The following SIPA1L3 variants were observed in gnomAD, a reference collection of about 807,000 sequenced individuals.
SIPA1L3 encodes signal induced proliferation associated 1 like 3.
SIPA1L3 carries 59 observed loss-of-function variants against 150.1 expected under a neutral mutation model. The observed-to-expected ratio is 0.39, with a 90% CI of 0.32 to 0.49. SIPA1L3 has a LOEUF of 0.49. Among genes scored for constraint, SIPA1L3 ranks in the 20% least tolerant of loss-of-function variants. SIPA1L3 has a pLI of 0.86. For synonymous variants in SIPA1L3, 1,070 were observed against 1,077.6 expected (o/e 0.99, Z 0.14); for missense variants, 2,211 against 2,489.5 (o/e 0.89, Z 2.38).
chr19:38,098,941 GTGTCT>G (rs905160106), intron 4 of SIPA1L3, among the ~76,000 whole-genome samples: 2 of 152,284 alleles, frequency 1.3e-5, no homozygotes, highest in East Asian at 1.9e-4. Flanking sequence ...ATCACTGGTG[GTGTCT>G]TGTCTTGTCT....
chr19:38,133,725 C>G (rs1400980168), intron 10 of SIPA1L3, among the ~76,000 whole-genome samples: 1 of 152,190 alleles, frequency 6.6e-6, no homozygotes, highest in Non-Finnish European at 1.5e-5. Flanking sequence ...ACCTTTGACC[C>G]TAGGGAAGTG....
chr19:37,943,395 T>C (rs2046680348), intron 1 of SIPA1L3, among the ~76,000 whole-genome samples: 1 of 152,194 alleles, frequency 6.6e-6, no homozygotes. Flanking sequence ...TAATTCATGG[T>C]ATTGACACAG....
At chr19:37,947,090 A>G (rs2046718508) in intron 1 of SIPA1L3, among the ~76,000 whole-genome samples, 1 of 152,134 alleles carries the variant, frequency 6.6e-6, no homozygotes, top group Non-Finnish European at 1.5e-5. Context: ...GCTACTGGCA[A>G]GACTGAGGTG....
chr19:38,112,015 GCA>G (rs1046344476), intron 8 of SIPA1L3, among the ~76,000 whole-genome samples: 10 of 136,712 alleles, frequency 7.3e-5, no homozygotes, highest in African/African-American at 2.3e-4. Flanking sequence ...GCACACACAT[GCA>G]CACACACGTA....
At chr19:37,912,008 C>T (rs1021319359) in intron 1 of SIPA1L3, among the ~76,000 whole-genome samples, 1 of 151,554 alleles carries the variant, frequency 6.6e-6, no homozygotes, top group East Asian at 2.0e-4. Context: ...GGAGGCAGAG[C>T]TTGCAGTGAG....
chr19:38,076,165 G>A (rs994350071), intron 2 of SIPA1L3, among the ~76,000 whole-genome samples: 35 of 151,538 alleles, frequency 2.3e-4, no homozygotes, highest in Non-Finnish European at 7.4e-5. Flanking sequence ...TAATAAATAA[G>A]TAAATACATA....
chr19:38,059,625 T>C (rs1478560359), intron 2 of SIPA1L3, among the ~76,000 whole-genome samples: 2 of 152,198 alleles, frequency 1.3e-5, no homozygotes, highest in East Asian at 3.8e-4. Flanking sequence ...AATTCTGTTA[T>C]TGTGAAATGG....
chr19:37,924,307 T>C (rs2046482212), intron 1 of SIPA1L3, among the ~76,000 whole-genome samples: 1 of 152,054 alleles, frequency 6.6e-6, no homozygotes, highest in South Asian at 2.1e-4. Context: ...CTTGTCCCAC[T>C]GGAAGGTCTT....
intron 19 of SIPA1L3, 129 bp downstream of exon 19, chr19:38,198,661 C>T: frequency 1.1e-6 from 1 of 944,830 alleles, no homozygotes; most frequent in African/African-American, 1.7e-5. Flanking sequence ...GGGTTCAAGT[C>T]CTGCCCCGTC....
At chr19:37,917,259 C>T (rs1157236758) in intron 1 of SIPA1L3, among the ~76,000 whole-genome samples, 6 of 152,250 alleles carry the variant, frequency 3.9e-5, no homozygotes, top group East Asian at 1.9e-4. Context: ...GCTACCACAT[C>T]GGACAGCACT....
chr19:38,194,821 C>T (rs1291974748), intron 18 of SIPA1L3, among the ~76,000 whole-genome samples: 3 of 152,114 alleles, frequency 2.0e-5, no homozygotes, highest in Non-Finnish European at 2.9e-5. Context: ...GAGGCCGAGG[C>T]GGGTGGATCA....
chr19:37,915,791 C>T (rs966262176), intron 1 of SIPA1L3, among the ~76,000 whole-genome samples: 17 of 152,190 alleles, frequency 1.1e-4, no homozygotes, highest in South Asian at 4.1e-4. Context: ...GTCCCTGCTC[C>T]GGCATCATGA....
At position 37,990,019 on chromosome 19, in the gene SIPA1L3, G is replaced by T. The variant is rs544060684; in HGVS notation, c.-378-39070G>T. Among the ~76,000 whole-genome samples, 5 of 152,232 alleles carry T rather than the reference G, an allele frequency of 3.3e-5. No individual in the cohort carries two copies. In the South Asian group the frequency reaches 1.0e-3, roughly 32 times the overall value. On this transcript the variant is annotated intron_variant, in intron 1 of 21. Transcript: ENST00000222345. ...CGTAGACCCCCCCACCTGACCTTTTGTTTGGCCCTCATGCATATTTAGGGT... is the reference window on the plus strand; with the variant it reads ...CGTAGACCCCCCCACCTGACCTTTTTTTTGGCCCTCATGCATATTTAGGGT...
At chr19:37,962,984 T>C (rs74516341) in intron 1 of SIPA1L3, among the ~76,000 whole-genome samples, 1 of 152,138 alleles carries the variant, frequency 6.6e-6, no homozygotes, top group Non-Finnish European at 1.5e-5. Context: ...TTTAAAAAAA[T>C]TGTTTTAATT....
At chr19:37,914,772 T>G (rs1280652374) in intron 1 of SIPA1L3, among the ~76,000 whole-genome samples, 2 of 152,182 alleles carry the variant, frequency 1.3e-5, no homozygotes, top group Non-Finnish European at 2.9e-5. Context: ...TCCAAAGTGC[T>G]AAGATTACAG....
At chr19:38,154,324 A>G (rs191264014) in intron 13 of SIPA1L3, among the ~76,000 whole-genome samples, 6 of 152,328 alleles carry the variant, frequency 3.9e-5, no homozygotes, top group Admixed American at 6.5e-5. Context: ...GGCTGCCTAG[A>G]GCAGTGTTGC....
At position 38,119,299 on chromosome 19, in the gene SIPA1L3, T is replaced by C. The variant is rs776438492; in HGVS notation, c.2292-7T>C. On this transcript the variant is annotated splice_region_variant and splice_polypyrimidine_tract_variant and intron_variant, in intron 8 of 21. Transcript: ENST00000222345. Reference sequence around the variant, plus strand: ...TCCCACCATCTAAATAATCTCTCCCTCCACAGTATGGCTGTGACCCGATCC... The same window carrying C: ...TCCCACCATCTAAATAATCTCTCCCCCCACAGTATGGCTGTGACCCGATCC... 1.2e-6 allele frequency: 2 copies of C among 1,609,118 alleles called. No homozygotes were observed. Among genetic ancestry groups the C allele is most frequent in the Admixed American group, 3.4e-5 (2 of 59,560 alleles).
chr19:38,193,257 G>C (rs1242617093), intron 17 of SIPA1L3, among the ~76,000 whole-genome samples: 2 of 151,674 alleles, frequency 1.3e-5, no homozygotes, highest in African/African-American at 4.8e-5. Flanking sequence ...GCTGAGATAG[G>C]AGGATCGCTT....
chr19:38,144,333 C>G (rs10408909), intron 12 of SIPA1L3, among the ~76,000 whole-genome samples: 1 of 152,190 alleles, frequency 6.6e-6, no homozygotes, highest in Non-Finnish European at 1.5e-5. Flanking sequence ...GTACACAGTC[C>G]GACACATGGC....
Sources: gnomAD v4.1 joint callset for allele counts (sites outside exome capture counted in the v4.1 genomes callset) on GRCh38, gnomAD v4.1.1 for gene constraint, MANE v1.5 for transcripts, NCBI Gene and HGNC (gene_info 2026-07-23, HGNC 2026-07-21) for gene names.